CEP44: variants seen among roughly 807,000 people sequenced by gnomAD.
CEP44 encodes centrosomal protein of 44 kDa.
In CEP44, 45 loss-of-function variants were observed where a neutral mutation model predicts 46.7. The observed-to-expected ratio is 0.96, with a 90% CI of 0.76 to 1.24. The LOEUF (loss-of-function observed/expected upper bound fraction) is 1.24. Ranked by LOEUF, CEP44 falls within the 50% of genes most tolerant of loss-of-function variation. The pLI is 0.00. For synonymous variants in CEP44, 142 were observed against 146.0 expected, an observed-to-expected ratio of 0.97 and a Z score of 0.20; for missense variants, 475 against 459.7, an observed-to-expected ratio of 1.03 and a Z score of -0.30.
At chr4:174,306,621 ATATAT>A (rs1253128727) in intron 6 of CEP44, among the ~76,000 whole-genome samples, 4 of 152,066 alleles carry the variant, frequency 2.6e-5, no homozygotes, top group South Asian at 2.1e-4. Flanking sequence ...ATTTTGATAT[ATATAT>A]TATATGTGAT....
At chr4:174,285,062 A>G (rs767700721) in intron 1 of CEP44, among the ~76,000 whole-genome samples, 22 of 152,322 alleles carry the variant, frequency 1.4e-4, no homozygotes, top group Non-Finnish European at 2.5e-4. Flanking sequence ...CACAAGTTCA[A>G]TTGCGCAGAT....
rs79064523 is a variant in CEP44 at position 174,319,455 on chromosome 4, C to G, written c.*2072C>G. On this transcript the variant is annotated 3_prime_UTR_variant, in exon 12 of 12. Transcript: ENST00000503780. The stretch of plus-strand genomic sequence containing the variant: ...AATATTTTTTCCCTTTTGAAAAATT[C>G]AATTTTAAAAAGAAACATTTTTGAA... The G allele has an allele frequency of 0.073, 70,639 of 973,262 alleles. 2,947 individuals are homozygous for G. The highest frequency in any genetic ancestry group is 0.22 in the South Asian group (4,640 of 21,044). 60.3% of individuals were successfully genotyped at this position (973,262 alleles called of 1,614,324 possible).
At position 174,310,748 on chromosome 4, in the gene CEP44, TA is replaced by T; in HGVS notation, c.886-34del. On this transcript the variant is annotated intron_variant, in intron 8 of 11. Coordinates refer to ENST00000503780, the MANE Select transcript of CEP44 (RefSeq NM_001040157.3). The surrounding 1 kb of genome is among the most constrained non-coding windows in gnomAD (Gnocchi z 4.2). ...TATAAAATGAGAGGGTTTTTCTTTT[TA>T]TTTCATTCTAAATATTTAACTGTGT... The T allele has an allele frequency of 1.0e-6, 1 of 999,198 alleles. No individual in the cohort carries two copies. The highest frequency in any genetic ancestry group is 1.4e-5 in the South Asian group (1 of 70,242). The allele number at this position is 999,198 out of a possible 1,614,324, so 61.9% of individuals were successfully genotyped here. A position where few individuals can be genotyped will look rare whatever the true frequency, so the allele number is the denominator to read the frequency against.
chr4:174,293,561 T>A (rs569344181), intron 1 of CEP44, among the ~76,000 whole-genome samples: 1 of 152,358 alleles, frequency 6.6e-6, no homozygotes, highest in South Asian at 2.1e-4. Flanking sequence ...TGTGCTATGA[T>A]AATGGTGTTT....
downstream of CEP44, chr4:174,320,447 A>G (rs900530706): frequency 2.0e-5 from 7 of 355,444 alleles, no homozygotes; most frequent in Non-Finnish European, 2.3e-5. Context: ...TTTGAGCTCA[A>G]ATAACATTGT....
At chr4:174,304,001 G>A (rs1191522388) in intron 5 of CEP44, 152 bp downstream of exon 5, 1 of 730,282 alleles carries the variant, frequency 1.4e-6, no homozygotes, top group African/African-American at 1.8e-5. Flanking sequence ...AAAGCTTGTT[G>A]TTTATTTTAA....
Position 174,304,262 on chromosome 4 carries a change from A to G in CEP44, c.400A>G (p.Arg134Gly), listed in dbSNP as rs1226819667. Residue 134 changes from arginine to glycine, a missense_variant, in exon 6 of 12, where the codon AGA (arginine) becomes GGA (glycine). Transcript: ENST00000503780. The part of the protein sequence containing the change: ...SSLQKIPSQQ[R>G]KKISSGKSEP... The stretch of plus-strand genomic sequence containing the variant: ...TTTTTTTTAGATTCCATCACAACAA[A>G]GAAAGAAAATCAGTTCTGGTAAGTC... 6.3e-7 allele frequency: 1 copy of G among 1,596,770 alleles called. No individual in the cohort carries two copies. Among genetic ancestry groups the G allele is most frequent in the East Asian group, 2.2e-5 (1 of 44,572 alleles).
At chr4:174,291,993 G>A (rs182858849) in intron 1 of CEP44, among the ~76,000 whole-genome samples, 72 of 151,540 alleles carry the variant, frequency 4.8e-4, no homozygotes, top group Middle Eastern at 3.4e-3. Flanking sequence ...ATTTCACCAT[G>A]TTTGCCAGGG....
intron 6 of CEP44, among the ~76,000 whole-genome samples, chr4:174,305,183 G>A (rs1161036284): frequency 6.6e-6 from 1 of 152,218 alleles, no homozygotes; most frequent in African/African-American, 2.4e-5. Context: ...GTCTAGCACA[G>A]TAGCTCATGC....
chr4:174,328,742 T>C (rs1039993060), intron 8 of CEP44, among the ~76,000 whole-genome samples: 1 of 152,220 alleles, frequency 6.6e-6, no homozygotes, highest in Non-Finnish European at 1.5e-5. Context: ...CACTTTGACA[T>C]ATATAAAAGA....
Position 174,325,718 on chromosome 4 carries a change from CTT to C in CEP44, c.1087-5761_1087-5760del, listed in dbSNP as rs531387841. ...AGAACTGTAGATGAAGACTAAAAAA[CTT>C]TTATTTTTTCTTTCAGTTCTATCAT... is the stretch of plus-strand genomic sequence containing the variant. On this transcript the variant is annotated intron_variant, in intron 8 of 8. Transcript: ENST00000426172. This position sits in a 1 kb window ranked among gnomAD's most constrained non-coding sequence, Gnocchi z 4.4. Among the ~76,000 whole-genome samples the C allele has an allele frequency of 1.6e-4, 24 of 152,164 alleles. No individual in the cohort carries two copies. Among genetic ancestry groups the C allele is most frequent in the African/African-American group, 5.8e-4 (24 of 41,542 alleles).
At position 174,310,254 on chromosome 4, in the gene CEP44, T is replaced by C. The variant is rs1471741258; in HGVS notation, c.885+198T>C. Among the ~76,000 whole-genome samples the C allele has an allele frequency of 6.6e-6, 1 of 152,018 alleles. No individual in the cohort carries two copies. The highest frequency in any genetic ancestry group is 1.5e-5 in the Non-Finnish European group (1 of 67,908). ...TTGTTTCTCTCTTCATTGAATAAGA[T>C]AATCTGAAAAACTTGTCAGTTGAGC... On this transcript the variant is annotated intron_variant, in intron 8 of 11. Coordinates refer to ENST00000503780, the MANE Select transcript of CEP44 (RefSeq NM_001040157.3). The surrounding 1 kb of genome is among the most constrained non-coding windows in gnomAD (Gnocchi z 4.2).
At chr4:174,293,155 T>A (rs1281264527) in intron 1 of CEP44, among the ~76,000 whole-genome samples, 2 of 152,100 alleles carry the variant, frequency 1.3e-5, no homozygotes, top group East Asian at 3.8e-4. Flanking sequence ...TACTGGGGCT[T>A]GGGTGGGTGT....
In CEP44 at chr4:174,311,592, AATAAT is replaced by A. The variant is rs1741087398; in HGVS notation, c.961+738_961+742del. On this transcript the variant is annotated intron_variant, in intron 9 of 11. Coordinates refer to ENST00000503780, the MANE Select transcript of CEP44 (RefSeq NM_001040157.3). This position sits in a 1 kb window ranked among gnomAD's most constrained non-coding sequence, Gnocchi z 4.4. ...AGCTCTACTATATGTGTAACAATAA[AATAAT>A]ATATATTCTAGCACTAACAGTGTGC... Among the ~76,000 whole-genome samples, 1 of 152,194 alleles carries A rather than the reference AATAAT, an allele frequency of 6.6e-6. No individual in the cohort carries two copies. Among genetic ancestry groups the A allele is most frequent in the Non-Finnish European group, 1.5e-5 (1 of 67,996 alleles).
rs140321598 is a variant in CEP44 at position 174,313,528 on chromosome 4, G to A, written c.962-2638G>A. 3.8e-3 allele frequency among the ~76,000 whole-genome samples: 584 copies of A among 152,226 alleles called. 3 individuals carry two copies. Among genetic ancestry groups the A allele is most frequent in the Middle Eastern group, 0.017 (5 of 294 alleles). On this transcript the variant is annotated intron_variant, in intron 9 of 11. Coordinates refer to ENST00000503780, the MANE Select transcript of CEP44 (RefSeq NM_001040157.3). ...GGAGTTTATCCCAGAGTCGTAGGAA[G>A]ATTTTCAGCAAGGCTAATATTCTTA...
At chr4:174,320,429 C>G, downstream of CEP44, 1 of 631,664 alleles carries the variant, frequency 1.6e-6, no homozygotes. Context: ...TTATAAACTA[C>G]AACACTTTTT....
At chr4:174,322,551 G>C (rs574355098), downstream of CEP44, among the ~76,000 whole-genome samples, 135 of 152,200 alleles carry the variant, frequency 8.9e-4, no homozygotes, top group African/African-American at 2.3e-3. Context: ...CCTACTATTT[G>C]CAATTGTTGC....
At position 174,310,536 on chromosome 4, in the gene CEP44, C is replaced by T. The variant is rs1207548552; in HGVS notation, c.886-247C>T. On this transcript the variant is annotated intron_variant, in intron 8 of 11. Coordinates refer to ENST00000503780, the MANE Select transcript of CEP44 (RefSeq NM_001040157.3). The surrounding 1 kb of genome is among the most constrained non-coding windows in gnomAD (Gnocchi z 4.2). Reference sequence around the variant, plus strand: ...TCTGAGAAATTTGTTTTTTTTTACTCAGGATTTCAATTTCTGGTCTGTCTT... The same window carrying T: ...TCTGAGAAATTTGTTTTTTTTTACTTAGGATTTCAATTTCTGGTCTGTCTT... Among the ~76,000 whole-genome samples, 1 of 151,384 alleles carries T rather than the reference C, an allele frequency of 6.6e-6. No homozygotes were observed. The highest frequency in any genetic ancestry group is 1.5e-5 in the Non-Finnish European group (1 of 67,724).
chr4:174,321,033 G>A (rs1232024901), downstream of CEP44, among the ~76,000 whole-genome samples: 2 of 152,002 alleles, frequency 1.3e-5, no homozygotes, highest in African/African-American at 2.4e-5. Context: ...CTGAGAGATA[G>A]CAAAAAGATA....
Sources: gnomAD v4.1 joint callset for allele counts (sites outside exome capture counted in the v4.1 genomes callset) on GRCh38, gnomAD v4.1.1 for gene constraint, Gnocchi (gnomAD v3.1) non-coding constraint, MANE v1.5 for transcripts, NCBI Gene and HGNC (gene_info 2026-07-23, HGNC 2026-07-21) for gene names.